Variants in MCU observed in about 807,000 individuals in gnomAD.
MCU encodes calcium uniporter protein, mitochondrial.
MCU carries 12 observed loss-of-function variants against 45.2 expected under a neutral mutation model. The ratio of observed to expected loss-of-function variants is 0.27; its 90% CI spans 0.17 to 0.43. MCU has a LOEUF of 0.43. Among genes scored for constraint, MCU ranks in the 20% least tolerant of loss-of-function variants. The pLI, the probability that MCU is intolerant of heterozygous loss-of-function variation, is 1.00. For missense variants in MCU, 324 were observed against 436.7 expected, an observed-to-expected ratio of 0.74 and a Z score of 2.30; for synonymous variants, 160 against 165.1, an observed-to-expected ratio of 0.97 and a Z score of 0.24.
intron 1 of MCU, among the ~76,000 whole-genome samples, chr10:72,804,462 TA>T (rs895390160): frequency 2.0e-5 from 3 of 152,170 alleles, no homozygotes; most frequent in African/African-American, 7.2e-5. Flanking sequence ...ACATTTTAAT[TA>T]ATTACCTGAT....
At chr10:72,855,450 C>A (rs1038177231) in intron 2 of MCU, among the ~76,000 whole-genome samples, 1 of 151,892 alleles carries the variant, frequency 6.6e-6, no homozygotes, top group Admixed American at 6.6e-5. Flanking sequence ...GGCACAGTTA[C>A]ATATGCCTAT....
chr10:72,824,240 AG>A (rs1327386007), intron 1 of MCU, among the ~76,000 whole-genome samples: 12 of 145,482 alleles, frequency 8.2e-5, no homozygotes, highest in Middle Eastern at 3.5e-3. Flanking sequence ...CTCGTTGCCC[AG>A]GCTGGAGTGC....
intron 1 of MCU, among the ~76,000 whole-genome samples, chr10:72,717,416 G>A (rs1283148471): frequency 1.3e-5 from 2 of 151,838 alleles, no homozygotes; most frequent in African/African-American, 4.8e-5. Context: ...CCGCCACCAC[G>A]CCCGCTTAAT....
intron 1 of MCU, 120 bp downstream of exon 1, chr10:72,692,421 G>A: frequency 1.0e-6 from 1 of 957,772 alleles, no homozygotes; most frequent in Non-Finnish European, 1.3e-6. Context: ...CGCTCCGGAG[G>A]TTGCCGGGCA....
At chr10:72,870,312 T>C (rs1012381031) in intron 5 of MCU, among the ~76,000 whole-genome samples, 1 of 152,224 alleles carries the variant, frequency 6.6e-6, no homozygotes. Context: ...GGAGTCTCAC[T>C]CTATTGCCCA....
In MCU at chr10:72,719,263, G is replaced by A. The variant is rs79129563; in HGVS notation, c.150+26962G>A. On this transcript the variant is annotated intron_variant, in intron 1 of 7. Transcript: ENST00000373053. ...TAGAATATATGCTGTCAGAATTATA[G>A]GATTATCAAGGTACCATTATGTTAC... Among the ~76,000 whole-genome samples the A allele has an allele frequency of 6.8e-3, 1,042 of 152,214 alleles. 17 individuals carry two copies. Among genetic ancestry groups the A allele is most frequent in the African/African-American group, 0.024 (1,000 of 41,518 alleles).
chr10:72,813,650 G>A (rs1282631513), intron 1 of MCU, among the ~76,000 whole-genome samples: 2 of 151,712 alleles, frequency 1.3e-5, no homozygotes, highest in African/African-American at 4.8e-5. Context: ...GTAGAGACAG[G>A]GTTTCACTAT....
chr10:72,806,144 A>G (rs1349648562), intron 1 of MCU, among the ~76,000 whole-genome samples: 1 of 150,348 alleles, frequency 6.7e-6, no homozygotes, highest in East Asian at 2.0e-4. Flanking sequence ...GGAATGGGCC[A>G]TGAAGAGCTT....
intron 6 of MCU, among the ~76,000 whole-genome samples, chr10:72,877,714 A>G (rs1436582850): frequency 6.6e-6 from 1 of 152,198 alleles, no homozygotes; most frequent in Non-Finnish European, 1.5e-5. Context: ...ACTAGTATTT[A>G]GGTGTGCTTT....
intron 4 of MCU, among the ~76,000 whole-genome samples, chr10:72,862,880 A>T (rs1411108860): frequency 6.6e-6 from 1 of 151,880 alleles, no homozygotes; most frequent in African/African-American, 2.4e-5. Context: ...GCAACACAGT[A>T]GCAACCAGCC....
chr10:72,704,206 A>C (rs1228554281), intron 1 of MCU, among the ~76,000 whole-genome samples: 1 of 152,192 alleles, frequency 6.6e-6, no homozygotes, highest in East Asian at 1.9e-4. Context: ...TGGACCAAGG[A>C]AAAGATGCCT....
chr10:72,877,438 C>G (rs2132894589), intron 6 of MCU, among the ~76,000 whole-genome samples: 1 of 152,142 alleles, frequency 6.6e-6, no homozygotes, highest in African/African-American at 2.4e-5. Context: ...TTGATTCAGA[C>G]CTCGATTTTA....
intron 1 of MCU, among the ~76,000 whole-genome samples, chr10:72,725,557 G>A (rs1008438784): frequency 1.3e-5 from 2 of 152,048 alleles, no homozygotes; most frequent in African/African-American, 4.8e-5. Flanking sequence ...TTACAGGTAT[G>A]AGCCATTGTG....
intron 1 of MCU, among the ~76,000 whole-genome samples, chr10:72,832,657 A>G (rs1381768639): frequency 6.6e-6 from 1 of 152,156 alleles, no homozygotes; most frequent in Non-Finnish European, 1.5e-5. Flanking sequence ...CTCAAAACAA[A>G]ACATAGCTAA....
At chr10:72,733,701 A>ATT (rs1475523695) in intron 1 of MCU, among the ~76,000 whole-genome samples, 4 of 112,608 alleles carry the variant, frequency 3.6e-5, no homozygotes, top group Middle Eastern at 3.8e-3. Context: ...ATATATATAT[A>ATT]TATTTTTTTA....
chr10:72,804,897 A>G (rs1245841673), intron 1 of MCU, among the ~76,000 whole-genome samples: 2 of 152,238 alleles, frequency 1.3e-5, no homozygotes, highest in East Asian at 3.9e-4. Flanking sequence ...TCAGCCTTCC[A>G]AGTAGCTGGG....
chr10:72,764,841 C>T (rs1843702596), intron 1 of MCU, among the ~76,000 whole-genome samples: 1 of 152,046 alleles, frequency 6.6e-6, no homozygotes, highest in African/African-American at 2.4e-5. Context: ...TTCTATAGCA[C>T]AAGTTAACTG....
At chr10:72,711,128 G>A (rs1251975754) in intron 1 of MCU, among the ~76,000 whole-genome samples, 1 of 150,758 alleles carries the variant, frequency 6.6e-6, no homozygotes, top group Non-Finnish European at 1.5e-5. Context: ...GCAGTGAGCC[G>A]AGATCATGCC....
intron 1 of MCU, among the ~76,000 whole-genome samples, chr10:72,778,600 ATAACT>A (rs1354020897): frequency 6.6e-6 from 1 of 152,176 alleles, no homozygotes; most frequent in South Asian, 2.1e-4. Context: ...AATCATGTTG[ATAACT>A]TAATTGATTC....
Sources: allele counts gnomAD v4.1 joint callset (sites outside exome capture counted in the v4.1 genomes callset), GRCh38; gene constraint gnomAD v4.1.1; transcripts MANE v1.5; gene names NCBI Gene and HGNC (gene_info 2026-07-23, HGNC 2026-07-21).